Variants in LAMC1 observed in about 807,000 individuals in gnomAD.
LAMC1 encodes the protein laminin subunit gamma-1.
Under a neutral mutation model 173.6 loss-of-function variants are expected in LAMC1, and 38 were observed. The observed-to-expected ratio is 0.22, with a 90% CI of 0.17 to 0.29. The LOEUF (loss-of-function observed/expected upper bound fraction) is 0.29. Ranked by LOEUF, LAMC1 falls within the 10% of genes least tolerant of loss-of-function variation. The probability of loss-of-function intolerance (pLI) is 1.00; values close to 1 mark genes in which losing one functional copy is unlikely to be tolerated. For missense variants in LAMC1, 1,824 were observed against 2,051.8 expected (o/e 0.89, Z 2.14); for synonymous variants, 746 against 749.1 (o/e 1.00, Z 0.07).
intron 2 of LAMC1, among the ~76,000 whole-genome samples, chr1:183,104,486 A>G (rs1655915989): frequency 6.6e-6 from 1 of 152,372 alleles, no homozygotes; most frequent in African/African-American, 2.4e-5. Flanking sequence ...GAAGTCAACA[A>G]CCACATGGGG....
In LAMC1 at chr1:183,133,541, G is replaced by C; in HGVS notation, c.3840G>C (p.Glu1280Asp). 1 of 1,611,716 alleles carries C rather than the reference G, an allele frequency of 6.2e-7. No homozygotes were observed. The change falls in exon 22 of 28, where the codon GAG becomes GAC. Residue 1280 changes from glutamate (E) to aspartate (D), a missense_variant. Coordinates refer to ENST00000258341, the MANE Select transcript of LAMC1 (RefSeq NM_002293.4). ...SVAQLSPLDS[E>D]TLENEANNIK... ...CTCAGCTGAGCCCTTTGGACTCTGA[G>C]ACACTGGAGGTATGGGGGCAGCCTG...
intron 4 of LAMC1, among the ~76,000 whole-genome samples, chr1:183,113,398 A>G (rs1006496368): frequency 2.7e-5 from 3 of 109,100 alleles, no homozygotes; most frequent in Admixed American, 1.1e-4. Context: ...ATGTATTCGA[A>G]TATTTTTTTT....
intron 25 of LAMC1, 73 bp from the exon 26 acceptor site, chr1:183,137,596 T>C: frequency 1.2e-6 from 1 of 850,396 alleles, no homozygotes; most frequent in East Asian, 2.9e-5. Flanking sequence ...TTATAAATTA[T>C]AAAAGGAGCG....
chr1:183,125,632 TTGAC>T, intron 15 of LAMC1, 82 bp downstream of exon 15: 1 of 1,089,434 alleles, frequency 9.2e-7, no homozygotes, highest in East Asian at 2.6e-5. Flanking sequence ...CATTTAATAA[TTGAC>T]TGTTCAGAAA....
At chr1:183,042,179 G>A (rs1272772918) in intron 1 of LAMC1, among the ~76,000 whole-genome samples, 1 of 152,166 alleles carries the variant, frequency 6.6e-6, no homozygotes, top group Non-Finnish European at 1.5e-5. Context: ...TCTCCACGCT[G>A]ACATTCAGGG....
chr1:183,081,222 G>C (rs1455422297), intron 1 of LAMC1, among the ~76,000 whole-genome samples: 2 of 152,122 alleles, frequency 1.3e-5, no homozygotes, highest in Non-Finnish European at 2.9e-5. Flanking sequence ...AATGTAAACT[G>C]CCTTTGAAAG....
At chr1:183,096,437 T>C (rs1443741911) in intron 1 of LAMC1, 4 of 152,256 alleles carry the variant, frequency 2.6e-5, no homozygotes, top group Admixed American at 6.5e-5. Flanking sequence ...TGCTTTGTTA[T>C]ATTTCACTGT....
At position 183,140,738 on chromosome 1, in the gene LAMC1, A is replaced by G. The variant is rs1385676497; in HGVS notation, c.4573+235A>G. On this transcript the variant is annotated intron_variant, in intron 27 of 27. Transcript: ENST00000258341. ...TAAGAGCAACTTGCTTCTTTACCAT[A>G]CTTATTATTTGTCAGCTTTACAGTG... The G allele has an allele frequency of 2.1e-5, 6 of 292,494 alleles. No homozygotes were observed. In the East Asian group the frequency reaches 3.6e-4, roughly 17 times the overall value. 18.1% of individuals were successfully genotyped at this position (292,494 alleles called of 1,614,324 possible).
rs750630781 is a variant in LAMC1 at position 183,130,311 on chromosome 1, A to G, written c.3281-33A>G. 1.9e-6 allele frequency: 3 copies of G among 1,553,296 alleles called. No homozygotes were observed. In the South Asian group the frequency reaches 3.3e-5, roughly 17 times the overall value. On this transcript the variant is annotated intron_variant, in intron 18 of 27. Transcript: ENST00000258341. ...TGAGATGATATGATCCTCTTCAGATAATTTACAGACTTTCTTCTGCAAACC... is the reference window on the plus strand; with the variant it reads ...TGAGATGATATGATCCTCTTCAGATGATTTACAGACTTTCTTCTGCAAACC...
rs561882023 is a variant in LAMC1, at chr1:183,088,503, A to G, written c.419-14825A>G. Reference sequence around the variant, plus strand: ...ATTATTTTATCAAACTTGAGTTTCAATTGTGTATGTATGTGTGCAAGGTTG... The same window carrying G: ...ATTATTTTATCAAACTTGAGTTTCAGTTGTGTATGTATGTGTGCAAGGTTG... On this transcript the variant is annotated intron_variant, in intron 1 of 27. Transcript: ENST00000258341. Among the ~76,000 whole-genome samples, 38 of 152,334 alleles carry G rather than the reference A, an allele frequency of 2.5e-4. No homozygotes were observed. In the South Asian group the frequency reaches 5.8e-3, roughly 23 times the overall value.
At chr1:183,119,733 G>GA (rs1431326937) in intron 11 of LAMC1, among the ~76,000 whole-genome samples, 2 of 151,500 alleles carry the variant, frequency 1.3e-5, no homozygotes, top group African/African-American at 4.9e-5. Context: ...GACCCTGTCT[G>GA]AAAAAAAAGT....
intron 4 of LAMC1, among the ~76,000 whole-genome samples, chr1:183,111,456 A>G (rs968883822): frequency 2.6e-5 from 4 of 151,948 alleles, no homozygotes; most frequent in Non-Finnish European, 5.9e-5. Context: ...GAATTTTCCC[A>G]CTCCCCTGTT....
At chr1:183,118,941 C>G (rs1171350087) in intron 11 of LAMC1, among the ~76,000 whole-genome samples, 2 of 151,988 alleles carry the variant, frequency 1.3e-5, no homozygotes, top group East Asian at 3.9e-4. Context: ...CTCTGTCACC[C>G]AGGCTGTGGT....
At position 183,139,962 on chromosome 1, in the gene LAMC1, T is replaced by C. The variant is rs573789892; in HGVS notation, c.4474-442T>C. On this transcript the variant is annotated intron_variant, in intron 26 of 27. Transcript: ENST00000258341. ...CTTAACTATGAAAATTTTCAAAGAATAGGACATTTCTAATAAGTCCCTAAG... is the reference window on the plus strand; with the variant it reads ...CTTAACTATGAAAATTTTCAAAGAACAGGACATTTCTAATAAGTCCCTAAG... Among the ~76,000 whole-genome samples, 10 of 152,276 alleles carry C rather than the reference T, an allele frequency of 6.6e-5. No individual in the cohort carries two copies. The South Asian group carries it at 2.1e-3, about 32-fold the overall frequency.
rs369232328 is a variant in LAMC1 at position 183,140,487 on chromosome 1, C to T, written c.4557C>T (p.Asp1519=). 157 of 1,612,112 alleles carry T rather than the reference C, an allele frequency of 9.7e-5. No individual in the cohort carries two copies. The highest frequency in any genetic ancestry group is 1.3e-4 in the Non-Finnish European group (155 of 1,178,562). ...SVTSLLSIIN[D]LLEQLGQLDT... ...CTAGCCTCCTCAGCATTATTAATGA[C>T]CTCTTGGAGCAGCTGGGTACGTAGC... Residue 1519 remains aspartate, a synonymous_variant, in exon 27 of 28, where the codon GAC becomes GAT. Coordinates refer to ENST00000258341, the MANE Select transcript of LAMC1 (RefSeq NM_002293.4).
chr1:183,101,199 G>A (rs1655825729), intron 1 of LAMC1, among the ~76,000 whole-genome samples: 1 of 152,064 alleles, frequency 6.6e-6, no homozygotes, highest in Non-Finnish European at 1.5e-5. Context: ...AGACTAGTGA[G>A]CAAGCCTTTG....
chr1:183,064,415 T>TAACAC (rs1654816010), intron 1 of LAMC1, among the ~76,000 whole-genome samples: 2 of 152,192 alleles, frequency 1.3e-5, no homozygotes, highest in Non-Finnish European at 2.9e-5. Flanking sequence ...CATTGGTAAG[T>TAACAC]ATAGTAAGTC....
At chr1:183,086,244 C>T (rs555447923) in intron 1 of LAMC1, among the ~76,000 whole-genome samples, 2 of 152,214 alleles carry the variant, frequency 1.3e-5, no homozygotes, top group South Asian at 2.1e-4. Flanking sequence ...CTTATATGGC[C>T]GCGTTGCGAT....
chr1:183,128,470 TA>T lies in LAMC1; in HGVS notation c.3124-109del, dbSNP rs59134708. The T allele has an allele frequency of 0.042, 25,740 of 609,148 alleles. 241 individuals carry two copies. Among genetic ancestry groups the T allele is most frequent in the African/African-American group, 0.12 (6,028 of 51,508 alleles). The allele number at this position is 609,148 out of a possible 1,614,324, so 37.7% of individuals were successfully genotyped here. ...CTAAAACTTAAAGTATAATAATAAT[TA>T]AAAAAAAAAAAAAAGAACTACATAT... On this transcript the variant is annotated intron_variant, in intron 17 of 27. Transcript: ENST00000258341.
Sources: gnomAD v4.1 joint callset for allele counts (sites outside exome capture counted in the v4.1 genomes callset) on GRCh38, gnomAD v4.1.1 for gene constraint, MANE v1.5 for transcripts, NCBI Gene and HGNC (gene_info 2026-07-23, HGNC 2026-07-21) for gene names.